The following PITPNA variants were observed in gnomAD, a reference collection of about 807,000 sequenced individuals.
PITPNA encodes phosphatidylinositol transfer protein alpha.
In PITPNA, 13 loss-of-function variants were observed where a neutral mutation model predicts 50.3. That is an observed-to-expected ratio of 0.26 (90% CI 0.17 to 0.41). PITPNA has a LOEUF of 0.41. Among genes scored for constraint, PITPNA ranks in the 10% least tolerant of loss-of-function variants. PITPNA has a pLI of 1.00. For synonymous variants in PITPNA, 120 were observed against 119.6 expected (o/e 1.00, Z -0.02); for missense variants, 207 against 333.4 (o/e 0.62, Z 2.95).
intron 2 of PITPNA, among the ~76,000 whole-genome samples, chr17:1,553,555 T>A (rs1446598030): frequency 6.6e-6 from 1 of 152,046 alleles, no homozygotes; most frequent in Non-Finnish European, 1.5e-5. Flanking sequence ...CCATCAGGAT[T>A]TAAAGAGGCA....
intron 2 of PITPNA, among the ~76,000 whole-genome samples, chr17:1,556,731 G>C (rs2075736870): frequency 1.3e-5 from 2 of 152,198 alleles, no homozygotes; most frequent in Admixed American, 1.3e-4. Context: ...CCCAAGAGCT[G>C]AGTTTGAGGG....
rs539117367 is a variant in PITPNA at position 1,538,150 on chromosome 17, T to C, written c.456+719A>G. On this transcript the variant is annotated intron_variant, in intron 7 of 11. Transcript: ENST00000313486. ...CCACAGGAAAGAGGTATCACACCCCTGGGATACAAAGAGCAAACACACATT... is the reference window on the plus strand; with the variant it reads ...CCACAGGAAAGAGGTATCACACCCCCGGGATACAAAGAGCAAACACACATT... Among the ~76,000 whole-genome samples the C allele has an allele frequency of 3.9e-5, 6 of 152,262 alleles. No individual in the cohort carries two copies. In the South Asian group the frequency reaches 1.2e-3, roughly 32 times the overall value.
intron 2 of PITPNA, among the ~76,000 whole-genome samples, chr17:1,555,321 G>A (rs950830736): frequency 2.6e-5 from 4 of 152,166 alleles, no homozygotes; most frequent in Non-Finnish European, 5.9e-5. Context: ...AATGAGACAA[G>A]TGAAGGCAGT....
intron 9 of PITPNA, 106 bp from the exon 10 acceptor site, chr17:1,534,327 G>T: frequency 7.1e-7 from 1 of 1,402,568 alleles, no homozygotes; most frequent in Non-Finnish European, 9.9e-7. Flanking sequence ...CTGGGGACGG[G>T]CGGACAGGAG....
At position 1,542,202 on chromosome 17, in the gene PITPNA, A is replaced by G. The variant is rs1002483054; in HGVS notation, c.298-562T>C. Among the ~76,000 whole-genome samples the G allele has an allele frequency of 7.2e-5, 10 of 139,214 alleles. No homozygotes were observed. In the East Asian group the frequency reaches 1.0e-3, roughly 14 times the overall value. The allele number at this position is 139,214 out of a possible 152,430, so 91.3% of individuals were successfully genotyped here. ...GAAACAACAGCAAGACTCCGTTTCG[A>G]AAAAAAAAAAAAAGTCACAGAGATC... On this transcript the variant is annotated intron_variant, in intron 5 of 11. Transcript: ENST00000313486.
intron 6 of PITPNA, among the ~76,000 whole-genome samples, chr17:1,540,063 G>A (rs1209353142): frequency 1.3e-5 from 2 of 152,210 alleles, no homozygotes; most frequent in East Asian, 1.9e-4. Context: ...GAGGGTAAAC[G>A]TCACTTCTGC....
intron 7 of PITPNA, chr17:1,535,833 A>C (rs1459867508): frequency 3.0e-6 from 1 of 328,196 alleles, no homozygotes; most frequent in Non-Finnish European, 5.7e-6. Context: ...CCAGATCACC[A>C]GGGAAGACCT....
At chr17:1,555,632 A>G (rs949455692) in intron 2 of PITPNA, among the ~76,000 whole-genome samples, 4 of 152,222 alleles carry the variant, frequency 2.6e-5, no homozygotes, top group Admixed American at 2.0e-4. Context: ...AACTTTGGCA[A>G]TCTGGGAGGG....
chr17:1,542,080 A>C (rs1180824659), intron 5 of PITPNA, among the ~76,000 whole-genome samples: 4 of 152,182 alleles, frequency 2.6e-5, no homozygotes, highest in Admixed American at 6.5e-5. Flanking sequence ...GGTGCCTGTA[A>C]TCCCAGCTAC....
chr17:1,545,202 A>C (rs1258427030), intron 4 of PITPNA, among the ~76,000 whole-genome samples: 1 of 152,210 alleles, frequency 6.6e-6, no homozygotes, highest in Non-Finnish European at 1.5e-5. Flanking sequence ...GAGAGAGGGA[A>C]ACAAGCTAAG....
chr17:1,537,358 T>C (rs1468066842), intron 7 of PITPNA, among the ~76,000 whole-genome samples: 1 of 151,904 alleles, frequency 6.6e-6, no homozygotes, highest in African/African-American at 2.4e-5. Context: ...CCACCGCACC[T>C]GGCCCTAATT....
In PITPNA at chr17:1,522,071, C is replaced by CT. The variant is rs1555530261; in HGVS notation, c.769-427dup. ...CATTCAACAAATACTTATGAAACAT[C>CT]TTTTTTTTTTTGAGACGGAGTCTCG... On this transcript the variant is annotated intron_variant, in intron 10 of 11. Coordinates refer to ENST00000313486, the MANE Select transcript of PITPNA (RefSeq NM_006224.4). Among the ~76,000 whole-genome samples, 553 of 141,584 alleles carry CT rather than the reference C, an allele frequency of 3.9e-3. 9 individuals are homozygous for CT. Among genetic ancestry groups the CT allele is most frequent in the Admixed American group, 6.6e-3 (95 of 14,292 alleles). 92.9% of individuals were successfully genotyped at this position (141,584 alleles called of 152,430 possible). A position where few individuals can be genotyped will look rare whatever the true frequency, so the allele number is the denominator to read the frequency against.
chr17:1,562,546 C>T lies in PITPNA; in HGVS notation c.15G>A (p.Lys5=). The T allele has an allele frequency of 7.0e-7, 1 of 1,425,956 alleles. No individual in the cohort carries two copies. Among genetic ancestry groups the T allele is most frequent in the East Asian group, 3.0e-5 (1 of 33,092 alleles). The allele number at this position is 1,425,956 out of a possible 1,614,324, so 88.3% of individuals were successfully genotyped here. The change falls in exon 1 of 12, where the codon AAG becomes AAA. Residue 5 remains lysine, a synonymous_variant. Coordinates refer to ENST00000313486, the MANE Select transcript of PITPNA (RefSeq NM_006224.4). This position sits in a 1 kb window ranked among gnomAD's most constrained non-coding sequence, Gnocchi z 6.4. MVLL[K]EYRVILPVSV... is the part of the protein sequence containing the mutation. Reference sequence around the variant, plus strand: ...CACGGCCGCCGGACACTCACTACTCCTTGAGCAGCACCATGTCGCTTCGCG... The same window carrying T: ...CACGGCCGCCGGACACTCACTACTCTTTGAGCAGCACCATGTCGCTTCGCG...
intron 7 of PITPNA, 45 bp from the exon 8 acceptor site, chr17:1,535,563 G>A (rs749096895): frequency 9.1e-6 from 11 of 1,206,038 alleles, no homozygotes; most frequent in South Asian, 8.5e-5. Flanking sequence ...GTGGGAGAGG[G>A]AGTGAGAGAT....
intron 1 of PITPNA, among the ~76,000 whole-genome samples, chr17:1,561,778 TC>T (rs2075769460): frequency 6.6e-6 from 1 of 152,010 alleles, no homozygotes; most frequent in Non-Finnish European, 1.5e-5. Flanking sequence ...GGCCCTGACT[TC>T]CTAGTCCTCC....
intron 10 of PITPNA, among the ~76,000 whole-genome samples, chr17:1,529,146 A>AG (rs1240319240): frequency 9.8e-6 from 1 of 101,528 alleles, no homozygotes; most frequent in East Asian, 3.1e-4. Context: ...TCAAAAAAAA[A>AG]AAAAAAAAAA....
intron 7 of PITPNA, among the ~76,000 whole-genome samples, chr17:1,536,991 T>A (rs1056987550): frequency 2.0e-5 from 3 of 148,938 alleles, no homozygotes; most frequent in Non-Finnish European, 4.5e-5. Flanking sequence ...CTCCGCCTCC[T>A]GAGTTCCAGT....
chr17:1,538,699 T>C (rs1247125837), intron 7 of PITPNA, 170 bp downstream of exon 7: 1 of 529,772 alleles, frequency 1.9e-6, no homozygotes, highest in Non-Finnish European at 3.3e-6. Flanking sequence ...TCTGGTGGCA[T>C]CCCCAACTCA....
At position 1,547,657 on chromosome 17, in the gene PITPNA, A is replaced by T. The variant is rs577612016; in HGVS notation, c.289+639T>A. Among the ~76,000 whole-genome samples, 76 of 152,162 alleles carry T rather than the reference A, an allele frequency of 5.0e-4. 1 individual carries two copies. Among genetic ancestry groups the T allele is most frequent in the South Asian group, 1.2e-3 (6 of 4,818 alleles). On this transcript the variant is annotated intron_variant, in intron 4 of 11. Coordinates refer to ENST00000313486, the MANE Select transcript of PITPNA (RefSeq NM_006224.4). ...AGAGCCAGGCTCCATCTCAAAAAAA[A>T]AATAATAATAAAATAAATAGTAATG...
Sources: allele counts gnomAD v4.1 joint callset (sites outside exome capture counted in the v4.1 genomes callset), GRCh38; gene constraint gnomAD v4.1.1; non-coding constraint Gnocchi (gnomAD v3.1); transcripts MANE v1.5; gene names NCBI Gene and HGNC (gene_info 2026-07-23, HGNC 2026-07-21).